The following HS3ST5 variants were observed in gnomAD, a reference collection of about 807,000 sequenced individuals.
HS3ST5 encodes the protein heparan sulfate-glucosamine 3-sulfotransferase 5, also known as heparan sulfate glucosamine 3-O-sulfotransferase 5.
Under a neutral mutation model 25.4 loss-of-function variants are expected in HS3ST5, and 10 were observed. The ratio of observed to expected loss-of-function variants is 0.39; its 90% CI spans 0.24 to 0.67. The LOEUF is 0.67. Among genes scored for constraint, HS3ST5 ranks in the 30% least tolerant of loss-of-function variants. HS3ST5 has a pLI of 0.44. For synonymous variants in HS3ST5, 170 were observed against 162.4 expected (o/e 1.05, Z -0.36); for missense variants, 324 against 420.7 (o/e 0.77, Z 2.01).
intron 3 of HS3ST5, among the ~76,000 whole-genome samples, chr6:114,094,635 A>G (rs1775323177): frequency 6.6e-6 from 1 of 152,184 alleles, no homozygotes; most frequent in Non-Finnish European, 1.5e-5. Context: ...CCTTACAGCA[A>G]TAGTTGGAGG....
chr6:114,293,802 G>A (rs748498940), intron 1 of HS3ST5, among the ~76,000 whole-genome samples: 1 of 152,108 alleles, frequency 6.6e-6, no homozygotes, highest in Non-Finnish European at 1.5e-5. Context: ...GAGGTTTCAG[G>A]ACCCCAAAAG....
intron 1 of HS3ST5, among the ~76,000 whole-genome samples, chr6:114,254,174 C>G (rs1054089454): frequency 6.6e-6 from 1 of 152,218 alleles, no homozygotes; most frequent in South Asian, 2.1e-4. Flanking sequence ...GTGGAGCCTC[C>G]TGGCAGCCAG....
At chr6:114,276,161 C>A (rs1210718623) in intron 1 of HS3ST5, among the ~76,000 whole-genome samples, 2 of 147,884 alleles carry the variant, frequency 1.4e-5, no homozygotes, top group African/African-American at 4.9e-5. Flanking sequence ...AATTGGAAAC[C>A]CTTTACTATG....
At chr6:114,312,414 T>C (rs1582808510) in intron 1 of HS3ST5, among the ~76,000 whole-genome samples, 2 of 152,094 alleles carry the variant, frequency 1.3e-5, no homozygotes, top group African/African-American at 4.8e-5. Flanking sequence ...CTTGTAAATA[T>C]AAAAGCCAAA....
intron 4 of HS3ST5, among the ~76,000 whole-genome samples, chr6:114,061,304 C>T (rs990498467): frequency 2.0e-5 from 3 of 152,146 alleles, no homozygotes; most frequent in African/African-American, 7.2e-5. Flanking sequence ...TTCTCAATAA[C>T]CATCAAGTGC....
At chr6:114,100,985 G>C (rs767472055) in intron 3 of HS3ST5, among the ~76,000 whole-genome samples, 1 of 152,110 alleles carries the variant, frequency 6.6e-6, no homozygotes, top group African/African-American at 2.4e-5. Context: ...CACATCAAGG[G>C]TCACTAGTAA....
chr6:114,334,011 G>A (rs1776510033), intron 1 of HS3ST5, among the ~76,000 whole-genome samples: 1 of 152,172 alleles, frequency 6.6e-6, no homozygotes, highest in Admixed American at 6.5e-5. Context: ...CCTCTGCCCA[G>A]TTTCCCCAGG....
chr6:114,242,108 T>G (rs1772155826), intron 1 of HS3ST5, among the ~76,000 whole-genome samples: 1 of 152,224 alleles, frequency 6.6e-6, no homozygotes, highest in Non-Finnish European at 1.5e-5. Context: ...AGTTACTAGC[T>G]GTTTTTGGTT....
intron 1 of HS3ST5, among the ~76,000 whole-genome samples, chr6:114,267,312 T>A (rs1339412248): frequency 6.6e-6 from 1 of 152,226 alleles, no homozygotes; most frequent in Non-Finnish European, 1.5e-5. Flanking sequence ...ATCTGTTAGA[T>A]GAAAATCTTC....
chr6:114,226,296 C>T (rs917101138), intron 2 of HS3ST5, among the ~76,000 whole-genome samples: 1 of 151,898 alleles, frequency 6.6e-6, no homozygotes, highest in South Asian at 2.1e-4. Flanking sequence ...GAATTTCATA[C>T]CACTACAATA....
chr6:114,143,033 A>G (rs1328153230), intron 3 of HS3ST5: 1 of 152,188 alleles, frequency 6.6e-6, no homozygotes, highest in Non-Finnish European at 1.5e-5. Flanking sequence ...TAAGTTTATC[A>G]CGCTCTCTCT....
At chr6:114,089,369 T>A (rs1775006764) in intron 3 of HS3ST5, among the ~76,000 whole-genome samples, 1 of 152,194 alleles carries the variant, frequency 6.6e-6, no homozygotes. Context: ...CTTGCTGGCA[T>A]TTTTCTGTGC....
chr6:114,102,581 C>A (rs1314770774), intron 3 of HS3ST5, among the ~76,000 whole-genome samples: 5 of 152,068 alleles, frequency 3.3e-5, no homozygotes. Flanking sequence ...GTAGCTCTAC[C>A]CAAGGAAGCA....
intron 1 of HS3ST5, among the ~76,000 whole-genome samples, chr6:114,341,228 A>AGAGAGAG (rs1776845176): frequency 7.7e-6 from 1 of 130,378 alleles, no homozygotes; most frequent in African/African-American, 3.0e-5. Flanking sequence ...AGGGGGAGAG[A>AGAGAGAG]GAGAGAGAGA....
intron 3 of HS3ST5, chr6:114,084,644 T>C (rs1774688215): frequency 2.2e-6 from 2 of 927,658 alleles, no homozygotes; most frequent in African/African-American, 3.2e-5. Context: ...ATAAGATGCC[T>C]TAATGAGAGG....
intron 1 of HS3ST5, chr6:114,231,513 A>G (rs1463929514): frequency 6.6e-6 from 1 of 152,208 alleles, no homozygotes; most frequent in Non-Finnish European, 1.5e-5. Context: ...ATGGTCTAAT[A>G]CAAAGTCCAA....
intron 3 of HS3ST5, among the ~76,000 whole-genome samples, chr6:114,079,160 G>A (rs1774313052): frequency 6.6e-6 from 1 of 152,066 alleles, no homozygotes; most frequent in Non-Finnish European, 1.5e-5. Flanking sequence ...GGGTAGCTGT[G>A]GCAATTTCTT....
At chr6:114,275,791 CT>C (rs1437978891) in intron 1 of HS3ST5, among the ~76,000 whole-genome samples, 1 of 151,932 alleles carries the variant, frequency 6.6e-6, no homozygotes, top group Non-Finnish European at 1.5e-5. Context: ...ATATATTATT[CT>C]TTTTAATTTT....
At chr6:114,193,993 T>C (rs774969627) in intron 2 of HS3ST5, among the ~76,000 whole-genome samples, 2 of 152,142 alleles carry the variant, frequency 1.3e-5, no homozygotes, top group Non-Finnish European at 2.9e-5. Context: ...CCTATAAAAA[T>C]AAGTGCAAGG....
Sources: gnomAD v4.1 joint callset for allele counts (sites outside exome capture counted in the v4.1 genomes callset) on GRCh38, gnomAD v4.1.1 for gene constraint, MANE v1.5 for transcripts, NCBI Gene and HGNC (gene_info 2026-07-23, HGNC 2026-07-21) for gene names.